Variants in TMPRSS2 observed in about 807,000 individuals in gnomAD.
TMPRSS2 encodes transmembrane protease serine 2.
Under a neutral mutation model 67.4 loss-of-function variants are expected in TMPRSS2, and 59 were observed. The ratio of observed to expected loss-of-function variants is 0.88; its 90% CI spans 0.71 to 1.09. TMPRSS2 has a LOEUF of 1.09. Ranked by LOEUF, TMPRSS2 falls within the 50% of genes least tolerant of loss-of-function variation. TMPRSS2 has a pLI of 0.00. For missense variants in TMPRSS2, 668 were observed against 642.7 expected (o/e 1.04, Z -0.43); for synonymous variants, 257 against 257.0 (o/e 1.00, Z 0.00).
At chr21:41,479,361 C>A in intron 6 of TMPRSS2, 79 bp from the exon 7 acceptor site, 1 of 1,035,318 alleles carries the variant, frequency 9.7e-7, no homozygotes, top group Non-Finnish European at 1.5e-6. Flanking sequence ...TAATACCGCT[C>A]ATACGACATT....
chr21:41,504,318 C>A (rs913327285), intron 1 of TMPRSS2, among the ~76,000 whole-genome samples: 3 of 152,160 alleles, frequency 2.0e-5, no homozygotes, highest in African/African-American at 7.2e-5. Context: ...TGGCTCAGCG[C>A]CATCCACACA....
Position 41,464,416 on chromosome 21 carries a change from G to A in TMPRSS2, c.*1726C>T, listed in dbSNP as rs2091068871. 5.3e-6 allele frequency: 1 copy of A among 187,010 alleles called. No individual in the cohort carries two copies. Among genetic ancestry groups the A allele is most frequent in the African/African-American group, 2.3e-5 (1 of 42,808 alleles). 11.6% of individuals were successfully genotyped at this position (187,010 alleles called of 1,614,324 possible). On this transcript the variant is annotated 3_prime_UTR_variant, in exon 14 of 14. Coordinates refer to ENST00000332149, the MANE Select transcript of TMPRSS2 (RefSeq NM_005656.4). ...CAACAGGACAGGCTGCAGGAACTGA[G>A]GGCACCAACCACAGGAGCACCAAGT...
At chr21:41,494,280 G>C in intron 3 of TMPRSS2, 76 bp downstream of exon 3, 1 of 1,485,748 alleles carries the variant, frequency 6.7e-7, no homozygotes, top group African/African-American at 1.4e-5. Flanking sequence ...GTGGTGTTGG[G>C]AGCAGAGAGC....
chr21:41,481,370 G>C (rs964378700), intron 5 of TMPRSS2, among the ~76,000 whole-genome samples: 1 of 152,106 alleles, frequency 6.6e-6, no homozygotes, highest in African/African-American at 2.4e-5. Context: ...CACTTATATT[G>C]TGTGAGCCCA....
chr21:41,484,283 C>A (rs1316774149), intron 5 of TMPRSS2, among the ~76,000 whole-genome samples: 1 of 152,142 alleles, frequency 6.6e-6, no homozygotes, highest in Non-Finnish European at 1.5e-5. Context: ...GCCCTTTTAG[C>A]AAATTCCAGG....
At position 41,488,495 on chromosome 21, in the gene TMPRSS2, T is replaced by C. The variant is rs142988104; in HGVS notation, c.344A>G (p.Asn115Ser). ...TGAGGAGTCGCACTCTATCCCAGAG[T>C]TGGAGCACTTGCTGCCCACTTGCAG... Reference protein sequence around the residue: ...LWKFMGSKCSNSGIECDSSGT... With the variant: ...LWKFMGSKCSSSGIECDSSGT... The change falls in exon 5 of 14, where the codon AAC becomes AGC. Residue 115 changes from asparagine to serine, a missense_variant. Transcript: ENST00000332149. The C allele has an allele frequency of 1.7e-5, 28 of 1,612,936 alleles. No homozygotes were observed. The highest frequency in any genetic ancestry group is 2.4e-5 in the Non-Finnish European group (28 of 1,179,322).
rs150389990 is a variant in TMPRSS2 at position 41,494,401 on chromosome 21, C to A, written c.193G>T (p.Val65Phe). 5.0e-6 allele frequency: 8 copies of A among 1,610,830 alleles called. No homozygotes were observed. Among genetic ancestry groups the A allele is most frequent in the Non-Finnish European group, 5.9e-6 (7 of 1,179,202 alleles). The change falls in exon 3 of 14, where the codon GTC (valine) becomes TTC (phenylalanine). Residue 65 changes from valine (V) to phenylalanine (F), a missense_variant. By Grantham distance (50) the Val-to-Phe change is conservative (BLOSUM62 -1). Transcript: ENST00000332149. ...RVLTQASNPV[V>F]CTQPKSPSGT... is the part of the protein sequence containing the mutation. ...GATGGGGATTTGGGCTGCGTGCAGA[C>A]GACGGGGTTGGAAGCCTGCGTCAGG... is the stretch of plus-strand genomic sequence containing the variant.
chr21:41,492,298 G>C (rs2091343993), intron 3 of TMPRSS2, among the ~76,000 whole-genome samples: 1 of 152,212 alleles, frequency 6.6e-6, no homozygotes, highest in South Asian at 2.1e-4. Flanking sequence ...TCAGCCTCAT[G>C]GTTTCTCACG....
At chr21:41,482,213 C>G (rs2091262428) in intron 5 of TMPRSS2, among the ~76,000 whole-genome samples, 1 of 151,960 alleles carries the variant, frequency 6.6e-6, no homozygotes, top group Non-Finnish European at 1.5e-5. Flanking sequence ...CAAAACATTA[C>G]AAACACCGTT....
At chr21:41,467,362 C>T (rs1165273101) in intron 13 of TMPRSS2, among the ~76,000 whole-genome samples, 1 of 150,052 alleles carries the variant, frequency 6.7e-6, no homozygotes, top group African/African-American at 2.5e-5. Flanking sequence ...GCACTCCAGC[C>T]TGGGCGACAC....
chr21:41,491,245 C>A (rs1226140051), intron 3 of TMPRSS2, among the ~76,000 whole-genome samples: 1 of 150,476 alleles, frequency 6.6e-6, no homozygotes, highest in Non-Finnish European at 1.5e-5. Flanking sequence ...CAGCCTCCAC[C>A]TCCTGAGCTC....
chr21:41,468,397 T>C lies in TMPRSS2; in HGVS notation c.1313A>G (p.Gln438Arg). ...GGTAGAATAAAAATGTTGAATTACCTGGCAAGAATCGACGTTCCCCTGCAG... is the reference window on the plus strand; with the variant it reads ...GGTAGAATAAAAATGTTGAATTACCCGGCAAGAATCGACGTTCCCCTGCAG... ...GFLQGNVDSC[Q>R]GDSGGPLVTS... The change falls in exon 12 of 14, where the codon CAG becomes CGG. Residue 438 changes from glutamine (Q) to arginine (R), a missense_variant and splice_region_variant. Coordinates refer to ENST00000332149, the MANE Select transcript of TMPRSS2 (RefSeq NM_005656.4). 1.9e-6 allele frequency: 3 copies of C among 1,614,084 alleles called. No individual in the cohort carries two copies. The highest frequency in any genetic ancestry group is 2.5e-6 in the Non-Finnish European group (3 of 1,180,000).
At chr21:41,493,018 G>T (rs1420718896) in intron 3 of TMPRSS2, among the ~76,000 whole-genome samples, 1 of 152,172 alleles carries the variant, frequency 6.6e-6, no homozygotes, top group African/African-American at 2.4e-5. Flanking sequence ...TGCTGTCGGG[G>T]GGCTGTCTTG....
At chr21:41,473,533 C>G in intron 8 of TMPRSS2, 37 bp from the exon 9 acceptor site, 1 of 1,572,732 alleles carries the variant, frequency 6.4e-7, no homozygotes, top group Non-Finnish European at 8.6e-7. Context: ...GGGGTGAGAC[C>G]AGCAGAAGCC....
chr21:41,506,802 AGCCTTTGT>A (rs2091461021), intron 1 of TMPRSS2, among the ~76,000 whole-genome samples: 1 of 152,156 alleles, frequency 6.6e-6, no homozygotes, highest in Non-Finnish European at 1.5e-5. Context: ...TGGGCTGCGT[AGCCTTTGT>A]AATTTTCCAT....
intron 1 of TMPRSS2, among the ~76,000 whole-genome samples, chr21:41,499,887 A>G (rs2091412021): frequency 6.6e-6 from 1 of 152,182 alleles, no homozygotes; most frequent in South Asian, 2.1e-4. Flanking sequence ...ATGACCAAAG[A>G]ATATTTTAAG....
chr21:41,467,911 G>T (rs2091098023), intron 12 of TMPRSS2, 25 bp from the exon 13 acceptor site: 1 of 1,613,848 alleles, frequency 6.2e-7, no homozygotes. Flanking sequence ...AAGGTACAGA[G>T]AGCAGAAAAT....
chr21:41,473,761 G>A (rs1314413366), intron 8 of TMPRSS2, among the ~76,000 whole-genome samples: 1 of 151,148 alleles, frequency 6.6e-6, no homozygotes. Context: ...GGGTGTTCTG[G>A]ATAACAAGGC....
intron 3 of TMPRSS2, among the ~76,000 whole-genome samples, chr21:41,493,443 C>T (rs953336137): frequency 2.0e-5 from 3 of 152,118 alleles, no homozygotes; most frequent in South Asian, 2.1e-4. Context: ...GACAGGGCTT[C>T]ACAGAGCACT....
Sources: allele counts gnomAD v4.1 joint callset (sites outside exome capture counted in the v4.1 genomes callset), GRCh38; gene constraint gnomAD v4.1.1; transcripts MANE v1.5; gene names NCBI Gene and HGNC (gene_info 2026-07-23, HGNC 2026-07-21).